CEACAM20: variants seen among roughly 807,000 people sequenced by gnomAD.
CEACAM20 encodes the protein CEA cell adhesion molecule 20, also known as cell adhesion molecule CEACAM20.
In CEACAM20, 50 loss-of-function variants were observed where a neutral mutation model predicts 61.2. The observed-to-expected ratio is 0.82, with a 90% CI of 0.65 to 1.03. The LOEUF is 1.03. CEACAM20 is among the 50% of genes least tolerant of loss of function. CEACAM20 has a pLI of 0.00. For missense variants in CEACAM20, 683 were observed against 736.4 expected (o/e 0.93, Z 0.84); for synonymous variants, 282 against 287.7 (o/e 0.98, Z 0.20).
chr19:44,515,937 C>CA (rs892336284), intron 6 of CEACAM20, among the ~76,000 whole-genome samples: 2 of 151,836 alleles, frequency 1.3e-5, no homozygotes, highest in African/African-American at 4.8e-5. Context: ...GCCACACACA[C>CA]AAAAAAAGGA....
chr19:44,516,473 C>T (rs1001410512), intron 6 of CEACAM20, among the ~76,000 whole-genome samples: 4 of 152,250 alleles, frequency 2.6e-5, no homozygotes, highest in South Asian at 2.1e-4. Context: ...ATAAGTCTCA[C>T]GAGATCTGAT....
chr19:44,519,294 G>A (rs1301645793), intron 5 of CEACAM20, among the ~76,000 whole-genome samples: 1 of 152,218 alleles, frequency 6.6e-6, no homozygotes, highest in African/African-American at 2.4e-5. Context: ...CCAGCAGGCT[G>A]TGAAAGCTGA....
At chr19:44,521,870 C>T (rs1001222328) in intron 4 of CEACAM20, among the ~76,000 whole-genome samples, 5 of 151,982 alleles carry the variant, frequency 3.3e-5, no homozygotes, top group Non-Finnish European at 7.4e-5. Flanking sequence ...TGTGTGTGTA[C>T]GGAGTGTGTG....
intron 6 of CEACAM20, among the ~76,000 whole-genome samples, chr19:44,514,846 A>T (rs1346194547): frequency 6.6e-6 from 1 of 150,838 alleles, no homozygotes; most frequent in African/African-American, 2.4e-5. Flanking sequence ...TTTAAATTTT[A>T]AAATTTAAGG....
chr19:44,506,701 A>G (rs1293037539), intron 11 of CEACAM20, among the ~76,000 whole-genome samples: 6 of 152,238 alleles, frequency 3.9e-5, no homozygotes, highest in African/African-American at 1.4e-4. Context: ...GGCCCTCATT[A>G]TGACAGCCTG....
rs371476307 is a variant in CEACAM20, at chr19:44,516,954, T to C, written c.1301A>G (p.Lys434Arg). 2.5e-6 allele frequency: 4 copies of C among 1,597,434 alleles called. No individual in the cohort carries two copies. The highest frequency in any genetic ancestry group is 3.4e-6 in the Non-Finnish European group (4 of 1,172,500). ...GACCCTGAGAGACTCACCTACCACC[T>C]TGACCAGGACTGAAGTGGAGCGGGC... Reference protein sequence around the residue: ...GLARSTSVLVKVVGPQSSSLS... With the variant: ...GLARSTSVLVRVVGPQSSSLS... Residue 434 changes from lysine (K) to arginine (R), a missense_variant, in exon 6 of 12, where the codon AAG becomes AGG. Lys to Arg is a conservative substitution (Grantham distance 26, BLOSUM62 2). Coordinates refer to ENST00000614924, the MANE Select transcript of CEACAM20 (RefSeq NM_001102597.3).
At chr19:44,523,553 C>A (rs1388763775) in intron 3 of CEACAM20, among the ~76,000 whole-genome samples, 1 of 151,714 alleles carries the variant, frequency 6.6e-6, no homozygotes, top group Non-Finnish European at 1.5e-5. Context: ...CACATTAAGG[C>A]ATACAGGCAT....
intron 10 of CEACAM20, 58 bp from the exon 11 acceptor site, chr19:44,511,213 C>T: frequency 6.3e-7 from 1 of 1,595,118 alleles, no homozygotes; most frequent in Non-Finnish European, 8.5e-7. Flanking sequence ...CAGGAATGTA[C>T]CAACTTACAC....
chr19:44,521,886 T>A (rs1971376299), intron 4 of CEACAM20, among the ~76,000 whole-genome samples: 1 of 152,100 alleles, frequency 6.6e-6, no homozygotes, highest in Admixed American at 6.5e-5. Context: ...GTGTGAATGT[T>A]GTGTTAGTGT....
intron 5 of CEACAM20, among the ~76,000 whole-genome samples, 157 bp downstream of exon 5, chr19:44,520,317 C>T (rs1019164878): frequency 1.3e-5 from 2 of 152,212 alleles, no homozygotes; most frequent in Non-Finnish European, 2.9e-5. Flanking sequence ...GAACATAAGC[C>T]CCCTGAGGGC....
rs756391229 is a variant in CEACAM20 at position 44,517,024 on chromosome 19, C to G, written c.1231G>C (p.Asp411His). The G allele has an allele frequency of 6.3e-7, 1 of 1,598,108 alleles. No individual in the cohort carries two copies. Among genetic ancestry groups the G allele is most frequent in the African/African-American group, 1.3e-5 (1 of 74,780 alleles). Residue 411 changes from aspartate to histidine, a missense_variant, in exon 6 of 12, where the codon GAC (aspartate) becomes CAC (histidine). Coordinates refer to ENST00000614924, the MANE Select transcript of CEACAM20 (RefSeq NM_001102597.3). The stretch of plus-strand genomic sequence containing the variant: ...GAGGCTGTGCAGTTGTAGATCCCGT[C>G]GTGTTCCCAGGTCAGAGCCCTGATA... ...LIIRALTWEHDGIYNCTASNS... is the reference protein window; with the variant it reads ...LIIRALTWEHHGIYNCTASNS...
At chr19:44,514,928 G>A (rs377512673) in intron 6 of CEACAM20, among the ~76,000 whole-genome samples, 6 of 151,920 alleles carry the variant, frequency 3.9e-5, no homozygotes, top group Admixed American at 1.3e-4. Flanking sequence ...CTGCAACCTC[G>A]CTGCCTCCCA....
At chr19:44,517,257 C>T in intron 5 of CEACAM20, 33 bp from the exon 6 acceptor site, 7 of 1,590,494 alleles carry the variant, frequency 4.4e-6, no homozygotes, top group Non-Finnish European at 6.0e-6. Context: ...TGCACCCTGG[C>T]CCCCATCAGC....
rs771785095 is a variant in CEACAM20, at chr19:44,522,662, G to C, written c.723C>G (p.Ser241Arg). 6 of 1,613,512 alleles carry C rather than the reference G, an allele frequency of 3.7e-6. No homozygotes were observed. In the East Asian group the frequency reaches 1.1e-4, roughly 30 times the overall value. ...LVSNSATHLS[S>R]LGTLKVRVLE... ...GTACTCGGACCTTCAGAGTACCCAG[G>C]CTGGACAGGTGGGTGGCACTGTTGG... is the stretch of plus-strand genomic sequence containing the variant. The change falls in exon 4 of 12, where the codon AGC (serine) becomes AGG (arginine). Residue 241 changes from serine to arginine, a missense_variant. Ser to Arg is a moderately radical substitution (Grantham distance 110, BLOSUM62 -1). Transcript: ENST00000614924.
intron 2 of CEACAM20, among the ~76,000 whole-genome samples, chr19:44,524,562 C>T (rs1045478402): frequency 1.3e-5 from 2 of 152,076 alleles, no homozygotes; most frequent in Non-Finnish European, 2.9e-5. Flanking sequence ...GACATGGGTG[C>T]CAGCAAGGGC....
At chr19:44,518,079 G>GAA (rs1555743403) in intron 5 of CEACAM20, among the ~76,000 whole-genome samples, 1 of 117,232 alleles carries the variant, frequency 8.5e-6, no homozygotes, top group Non-Finnish European at 1.6e-5. Context: ...CAAAAGGAAA[G>GAA]AGGAAAGAAA....
At chr19:44,523,608 G>A (rs1305667961) in intron 3 of CEACAM20, among the ~76,000 whole-genome samples, 4 of 151,774 alleles carry the variant, frequency 2.6e-5, no homozygotes, top group African/African-American at 9.7e-5. Flanking sequence ...GTAGAGATGG[G>A]ATCTTGGTAT....
rs1971325840 is a variant in CEACAM20, at chr19:44,520,562, G to C, written c.942C>G (p.Leu314=). 6.2e-7 allele frequency: 1 copy of C among 1,614,028 alleles called. No homozygotes were observed. ...CATAGGGCCCGGTGTCATTCCGCTG[G>C]AGGCCATGGATGATTAGGGTCCTGT... ...ADNRTLIIHG[L]QRNDTGPYAC... Residue 314 remains leucine, a synonymous_variant, in exon 5 of 12, where the codon CTC becomes CTG. Coordinates refer to ENST00000614924, the MANE Select transcript of CEACAM20 (RefSeq NM_001102597.3).
Position 44,520,605 on chromosome 19 carries a change from AG to A in CEACAM20, c.898del (p.Leu300CysfsTer10). The A allele has an allele frequency of 6.2e-7, 1 of 1,614,012 alleles. No homozygotes were observed. Among genetic ancestry groups the A allele is most frequent in the Non-Finnish European group, 8.5e-7 (1 of 1,179,890 alleles). On this transcript the variant is annotated frameshift_variant, in exon 5 of 12. Transcript: ENST00000614924. LOFTEE classifies it high-confidence loss of function. ...SGQPLLPSEH[L>X]QLSADNRTLI... is the part of the protein sequence containing the mutation. Reference sequence around the variant, plus strand: ...GGTCCTGTTGTCAGCTGACAGCTGCAGGTGCTCACTGGGCAGGAGGGGCTGG... The same window carrying A: ...GGTCCTGTTGTCAGCTGACAGCTGCAGTGCTCACTGGGCAGGAGGGGCTGG...
Sources: gnomAD v4.1 joint callset for allele counts (sites outside exome capture counted in the v4.1 genomes callset) on GRCh38, gnomAD v4.1.1 for gene constraint, MANE v1.5 for transcripts, NCBI Gene and HGNC (gene_info 2026-07-23, HGNC 2026-07-21) for gene names.